SATB1: variants seen among roughly 807,000 people sequenced by gnomAD.
SATB1 encodes SATB homeobox 1.
Under a neutral mutation model 86.9 loss-of-function variants are expected in SATB1, and 11 were observed. That is an observed-to-expected ratio of 0.13 (90% CI 0.08 to 0.21). The LOEUF (loss-of-function observed/expected upper bound fraction) is 0.21, where lower values mean the gene tolerates loss of function less well. Among genes scored for constraint, SATB1 ranks in the 10% least tolerant of loss-of-function variants. The probability of loss-of-function intolerance (pLI) is 1.00; values close to 1 mark genes in which losing one functional copy is unlikely to be tolerated. For synonymous variants in SATB1, 357 were observed against 357.2 expected, an observed-to-expected ratio of 1.00 and a Z score of 0.01; for missense variants, 551 against 937.6, an observed-to-expected ratio of 0.59 and a Z score of 5.39.
intron 1 of SATB1, 34 bp from the exon 2 acceptor site, chr3:18,421,025 T>C (rs1698371939): frequency 1.3e-6 from 2 of 1,519,210 alleles, no homozygotes; most frequent in Non-Finnish European, 9.1e-7. Flanking sequence ...ACGTTATAGT[T>C]GGGCGGGGAC....
chr3:18,391,885 A>G (rs573170767), intron 7 of SATB1, among the ~76,000 whole-genome samples: 70 of 152,138 alleles, frequency 4.6e-4, no homozygotes, highest in Non-Finnish European at 9.0e-4. Context: ...CTGTGTATGT[A>G]TGTGTGTGTG....
upstream of SATB1, among the ~76,000 whole-genome samples, chr3:18,425,966 A>AG (rs561977266): frequency 3.9e-3 from 590 of 152,020 alleles, no homozygotes; most frequent in Non-Finnish European, 6.8e-3. Context: ...AGCGTCGCAG[A>AG]GGGACAGGCG....
intron 7 of SATB1, among the ~76,000 whole-genome samples, chr3:18,388,315 A>C (rs1696450136): frequency 6.6e-6 from 1 of 152,064 alleles, no homozygotes; most frequent in Non-Finnish European, 1.5e-5. Flanking sequence ...AAAGTAAAAC[A>C]TTCAGGTCTC....
In SATB1 at chr3:18,395,854, C is replaced by T. The variant is rs1296697233; in HGVS notation, c.752-938G>A. Among the ~76,000 whole-genome samples the T allele has an allele frequency of 2.6e-5, 4 of 152,086 alleles. No homozygotes were observed. The South Asian group carries it at 6.2e-4, about 24-fold the overall frequency. On this transcript the variant is annotated intron_variant, in intron 6 of 10. Coordinates refer to ENST00000338745, the MANE Select transcript of SATB1 (RefSeq NM_002971.6). Reference sequence around the variant, plus strand: ...CTAAGTATGTAAATGCTTTTCTGTACGAAGAGGAGACTGGTTCGATGCTCT... The same window carrying T: ...CTAAGTATGTAAATGCTTTTCTGTATGAAGAGGAGACTGGTTCGATGCTCT...
chr3:18,423,496 A>AT (rs1365001539), intron 1 of SATB1, 131 bp downstream of exon 1: 1 of 152,092 alleles, frequency 6.6e-6, no homozygotes, highest in Non-Finnish European at 1.5e-5. Flanking sequence ...TATCCATTCC[A>AT]TATGGCCGGC....
chr3:18,439,068 T>G (rs1258624043), upstream of SATB1, among the ~76,000 whole-genome samples: 1 of 152,184 alleles, frequency 6.6e-6, no homozygotes, highest in Non-Finnish European at 1.5e-5. Context: ...CACTGGAAAC[T>G]GAACCAACTC....
chr3:18,400,065 C>T (rs970904499), intron 5 of SATB1, among the ~76,000 whole-genome samples: 1 of 152,010 alleles, frequency 6.6e-6, no homozygotes, highest in Non-Finnish European at 1.5e-5. Flanking sequence ...AAATCATATA[C>T]AGTAGTGTAA....
intron 2 of SATB1, among the ~76,000 whole-genome samples, chr3:18,420,304 A>G (rs1698317521): frequency 6.6e-6 from 1 of 152,202 alleles, no homozygotes; most frequent in Non-Finnish European, 1.5e-5. Flanking sequence ...AAGCCACAAA[A>G]AATAACATTA....
Position 18,444,657 on chromosome 3 carries a change from C to T in SATB1, c.-25+861G>A, listed in dbSNP as rs1431896351. ...GTGGCTGTCGAGTGCGGGCCTGAAA[C>T]CAAGAACGGCTCCCCGGGCGGGCGC... On this transcript the variant is annotated intron_variant, in intron 1 of 3. Transcript: ENST00000415069. This position sits in a 1 kb window ranked among gnomAD's most constrained non-coding sequence, Gnocchi z 5.1. 4.1e-6 allele frequency: 4 copies of T among 984,050 alleles called. No homozygotes were observed. The African/African-American group carries it at 7.0e-5, about 17-fold the overall frequency. 61.0% of individuals were successfully genotyped at this position (984,050 alleles called of 1,614,324 possible).
At chr3:18,433,810 T>A (rs1698968339) in intron 2 of SATB1, among the ~76,000 whole-genome samples, 1 of 152,088 alleles carries the variant, frequency 6.6e-6, no homozygotes, top group Non-Finnish European at 1.5e-5. Flanking sequence ...TGTGTTCATT[T>A]AAAAATTTAT....
intron 5 of SATB1, among the ~76,000 whole-genome samples, chr3:18,408,322 G>T (rs1429831771): frequency 1.3e-5 from 2 of 151,966 alleles, no homozygotes; most frequent in African/African-American, 4.8e-5. Flanking sequence ...CCGTAAGACT[G>T]CATATTAGAA....
chr3:18,402,338 A>G (rs1436068047), intron 5 of SATB1, among the ~76,000 whole-genome samples: 1 of 152,056 alleles, frequency 6.6e-6, no homozygotes, highest in Non-Finnish European at 1.5e-5. Flanking sequence ...TTTAACAACA[A>G]CCAAAAAAAA....
In SATB1 at chr3:18,386,661, GCCAGCAGTGAT is replaced by G; in HGVS notation, c.1207-61_1207-51del. On this transcript the variant is annotated intron_variant, in intron 7 of 10. Coordinates refer to ENST00000338745, the MANE Select transcript of SATB1 (RefSeq NM_002971.6). The surrounding 1 kb of genome is among the most constrained non-coding windows in gnomAD (Gnocchi z 4.5). ...TGAGCCTGCTGCCTTGCTTTGCCTG[GCCAGCAGTGAT>G]CCTTCCCTTTTCTTCTCCACTCTGT... The G allele has an allele frequency of 6.8e-7, 1 of 1,464,242 alleles. No homozygotes were observed. The highest frequency in any genetic ancestry group is 9.6e-7 in the Non-Finnish European group (1 of 1,045,654). The allele number at this position is 1,464,242 out of a possible 1,614,324, so 90.7% of individuals were successfully genotyped here.
chr3:18,380,544 T>C (rs1402724647), intron 8 of SATB1, among the ~76,000 whole-genome samples: 1 of 152,076 alleles, frequency 6.6e-6, no homozygotes, highest in Non-Finnish European at 1.5e-5. Flanking sequence ...GAAAAAAGTA[T>C]ACAAGAAATA....
chr3:18,378,722 G>A (rs762101269), intron 8 of SATB1, among the ~76,000 whole-genome samples: 3 of 152,060 alleles, frequency 2.0e-5, no homozygotes, highest in Admixed American at 6.5e-5. Flanking sequence ...CTGGGTGCCC[G>A]GTGCCTAATA....
chr3:18,351,391 G>T (rs1314937442), intron 10 of SATB1: 1 of 1,551,004 alleles, frequency 6.4e-7, no homozygotes, highest in Non-Finnish European at 8.7e-7. Flanking sequence ...CTTTCCCAAG[G>T]GTGGTGGGAG....
intron 8 of SATB1, among the ~76,000 whole-genome samples, chr3:18,382,564 G>A (rs1481133721): frequency 6.6e-6 from 1 of 152,096 alleles, no homozygotes; most frequent in African/African-American, 2.4e-5. Flanking sequence ...AGGAAAATCT[G>A]CAAAGCTTAT....
upstream of SATB1, among the ~76,000 whole-genome samples, chr3:18,429,609 C>A (rs187686115): frequency 2.6e-4 from 39 of 152,314 alleles, no homozygotes; most frequent in African/African-American, 9.1e-4. The surrounding 1 kb of genome is among the most constrained non-coding windows in gnomAD (Gnocchi z 4.1). Flanking sequence ...GCCAACCTGA[C>A]CCAGCCTTGA....
At chr3:18,370,577 A>G (rs908543936) in intron 9 of SATB1, among the ~76,000 whole-genome samples, 1 of 116,778 alleles carries the variant, frequency 8.6e-6, no homozygotes, top group South Asian at 2.8e-4. Context: ...AAAAGAAAAG[A>G]AAAAAAAAAC....
Sources: allele counts gnomAD v4.1 joint callset (sites outside exome capture counted in the v4.1 genomes callset), GRCh38; gene constraint gnomAD v4.1.1; non-coding constraint Gnocchi (gnomAD v3.1); transcripts MANE v1.5; gene names NCBI Gene and HGNC (gene_info 2026-07-23, HGNC 2026-07-21).